Variants in COL23A1 observed in about 807,000 individuals in gnomAD.
The protein encoded by COL23A1 is collagen type XXIII alpha 1 chain, also known as collagen alpha-1(XXIII) chain.
In COL23A1, 97 loss-of-function variants were observed where a neutral mutation model predicts 99.3. That is an observed-to-expected ratio of 0.98 (90% CI 0.83 to 1.16). The LOEUF is 1.16. Among genes scored for constraint, COL23A1 ranks in the 50% most tolerant of loss-of-function variants. COL23A1 has a pLI of 0.00. For synonymous variants in COL23A1, 320 were observed against 308.2 expected (o/e 1.04, Z -0.40); for missense variants, 762 against 757.4 (o/e 1.01, Z -0.07).
At chr5:178,542,336 G>A (rs1170010067) in intron 2 of COL23A1, among the ~76,000 whole-genome samples, 1 of 152,140 alleles carries the variant, frequency 6.6e-6, no homozygotes, top group Non-Finnish European at 1.5e-5. Flanking sequence ...CGGCCCTGTA[G>A]CTGGTTACAT....
At chr5:178,301,808 G>A (rs1213748066) in intron 3 of COL23A1, among the ~76,000 whole-genome samples, 1 of 151,604 alleles carries the variant, frequency 6.6e-6, no homozygotes, top group Non-Finnish European at 1.5e-5. Context: ...GTGTGCGCCG[G>A]AGCACGGCTT....
intron 2 of COL23A1, chr5:178,345,255 C>T: frequency 1.3e-6 from 1 of 761,588 alleles, no homozygotes; most frequent in Non-Finnish European, 2.2e-6. Context: ...CAAGACAGAC[C>T]TAAATTTGAT....
chr5:178,421,611 G>A (rs1765636536), intron 2 of COL23A1, among the ~76,000 whole-genome samples: 1 of 152,180 alleles, frequency 6.6e-6, no homozygotes. Context: ...GCTCACACCT[G>A]TAATCCCAGC....
At position 178,255,613 on chromosome 5, in the gene COL23A1, G is replaced by C. The variant is rs577290618; in HGVS notation, c.883-587C>G. On this transcript the variant is annotated intron_variant, in intron 15 of 28. Coordinates refer to ENST00000390654, the MANE Select transcript of COL23A1 (RefSeq NM_173465.4). The surrounding 1 kb of genome is among the most constrained non-coding windows in gnomAD (Gnocchi z 4.2). ...CCCACCCAGGCTGCTCTTTGCTTGG[G>C]GTACAGTGAAGGCTGGGGAGCACTT... Among the ~76,000 whole-genome samples, 1 of 152,270 alleles carries C rather than the reference G, an allele frequency of 6.6e-6. No homozygotes were observed. The highest frequency in any genetic ancestry group is 1.9e-4 in the East Asian group (1 of 5,172).
intron 5 of COL23A1, among the ~76,000 whole-genome samples, chr5:178,272,543 T>G (rs1484901030): frequency 6.6e-6 from 1 of 152,104 alleles, no homozygotes; most frequent in East Asian, 1.9e-4. Flanking sequence ...TCCAAAGTCT[T>G]GGGGATTCAG....
Position 178,306,987 on chromosome 5 carries a change from C to A in COL23A1, c.362-68G>T. 1 of 1,187,706 alleles carries A rather than the reference C, an allele frequency of 8.4e-7. No homozygotes were observed. The highest frequency in any genetic ancestry group is 1.1e-6 in the Non-Finnish European group (1 of 881,556). 73.6% of individuals were successfully genotyped at this position (1,187,706 alleles called of 1,614,324 possible). A position where few individuals can be genotyped will look rare whatever the true frequency, so the allele number is the denominator to read the frequency against. ...AGTGGACTTGGCTGCGTGGGGCATG[C>A]CCCAGCCACCCACCTGTCCGCTCGC... On this transcript the variant is annotated intron_variant, in intron 2 of 28. Transcript: ENST00000390654. The surrounding 1 kb of genome is among the most constrained non-coding windows in gnomAD (Gnocchi z 4.1).
At chr5:178,260,088 A>T (rs1170959505) in intron 11 of COL23A1, among the ~76,000 whole-genome samples, 1 of 152,198 alleles carries the variant, frequency 6.6e-6, no homozygotes, top group African/African-American at 2.4e-5. Flanking sequence ...GTCAGCGAGG[A>T]CCAGAGCCCG....
At chr5:178,438,887 G>A (rs937679335) in intron 2 of COL23A1, 3 of 152,174 alleles carry the variant, frequency 2.0e-5, no homozygotes, top group Non-Finnish European at 4.4e-5. Context: ...CCCGGGGAAA[G>A]GTTACAACTC....
intron 2 of COL23A1, among the ~76,000 whole-genome samples, chr5:178,475,653 A>G (rs1324875395): frequency 1.3e-5 from 2 of 152,162 alleles, no homozygotes; most frequent in East Asian, 3.9e-4. Context: ...AGCTTAACTC[A>G]CAGTTTCTAT....
chr5:178,278,654 C>A (rs547629653), intron 5 of COL23A1, among the ~76,000 whole-genome samples: 2 of 152,288 alleles, frequency 1.3e-5, no homozygotes, highest in African/African-American at 4.8e-5. Flanking sequence ...CCCTCCTGGG[C>A]CAGCCTCCGC....
intron 11 of COL23A1, among the ~76,000 whole-genome samples, 189 bp downstream of exon 11, chr5:178,261,533 A>G (rs1265747738): frequency 6.6e-6 from 1 of 152,208 alleles, no homozygotes. Context: ...CTGTGCCTCC[A>G]TTTAACAGAT....
chr5:178,567,085 C>G (rs1562097144), intron 1 of COL23A1, among the ~76,000 whole-genome samples: 1 of 152,154 alleles, frequency 6.6e-6, no homozygotes, highest in Non-Finnish European at 1.5e-5. Context: ...GAATCAGTAT[C>G]GAAGACATAA....
chr5:178,544,874 A>G lies in COL23A1; in HGVS notation c.361+15808T>C, dbSNP rs1387426027. 6.6e-6 allele frequency among the ~76,000 whole-genome samples: 1 copy of G among 152,184 alleles called. No homozygotes were observed. Among genetic ancestry groups the G allele is most frequent in the Non-Finnish European group, 1.5e-5 (1 of 68,032 alleles). On this transcript the variant is annotated intron_variant, in intron 2 of 28. Transcript: ENST00000390654. The surrounding 1 kb of genome is among the most constrained non-coding windows in gnomAD (Gnocchi z 4.4). ...CCAGGAGTTTGAGACCAGGGAGGCC[A>G]GGCTGAGCAACACAGCAAACCCCGT... is the stretch of plus-strand genomic sequence containing the variant.
chr5:178,547,827 ACACACCCCCACACCCACCCACC>A, intron 2 of COL23A1, among the ~76,000 whole-genome samples: 1 of 10,634 alleles, frequency 9.4e-5, no homozygotes, highest in Non-Finnish European at 1.5e-4. Flanking sequence ...CCACCCACCT[ACACACCCCCACACCCACCCACC>A]TACACACACC....
chr5:178,586,083 G>A (rs1310593631), intron 1 of COL23A1, among the ~76,000 whole-genome samples: 2 of 152,210 alleles, frequency 1.3e-5, no homozygotes, highest in African/African-American at 4.8e-5. Flanking sequence ...CAGCCACCTT[G>A]TGACCATGAG....
At chr5:178,248,369 T>TGCAAC in intron 19 of COL23A1, 115 bp from the exon 20 acceptor site, 1 of 744,904 alleles carries the variant, frequency 1.3e-6, no homozygotes, top group Middle Eastern at 2.5e-4. Context: ...AGTCATCAGT[T>TGCAAC]AGCTGTTGCA....
intron 2 of COL23A1, among the ~76,000 whole-genome samples, chr5:178,407,130 C>T (rs1392432540): frequency 6.6e-6 from 1 of 152,122 alleles, no homozygotes; most frequent in Non-Finnish European, 1.5e-5. Flanking sequence ...CAGTGGAAGC[C>T]CCATGGGGAG....
Position 178,340,721 on chromosome 5 carries a change from G to C in COL23A1, c.362-33802C>G, listed in dbSNP as rs140811167. Among the ~76,000 whole-genome samples, 488 of 152,360 alleles carry C rather than the reference G, an allele frequency of 3.2e-3. 2 individuals are homozygous for C. Among genetic ancestry groups the C allele is most frequent in the African/African-American group, 0.011 (460 of 41,594 alleles). ...ATTCTAGTCCTCGGCCCTCCCAGGG[G>C]CAGTGAGGGAGTCTCACCGGAATGG... is the stretch of plus-strand genomic sequence containing the variant. On this transcript the variant is annotated intron_variant, in intron 2 of 28. Transcript: ENST00000390654. This position sits in a 1 kb window ranked among gnomAD's most constrained non-coding sequence, Gnocchi z 4.7.
intron 1 of COL23A1, among the ~76,000 whole-genome samples, chr5:178,584,308 CCACACA>C (rs4045513): frequency 0.021 from 3,037 of 145,116 alleles, 68 homozygotes; most frequent in African/African-American, 0.05. Context: ...CTGCACCTGG[CCACACA>C]CACACACACA....
Sources: gnomAD v4.1 joint callset for allele counts (sites outside exome capture counted in the v4.1 genomes callset) on GRCh38, gnomAD v4.1.1 for gene constraint, Gnocchi (gnomAD v3.1) non-coding constraint, MANE v1.5 for transcripts, NCBI Gene and HGNC (gene_info 2026-07-23, HGNC 2026-07-21) for gene names.